The following INSC variants were observed in gnomAD, a reference collection of about 807,000 sequenced individuals.
The protein encoded by INSC is protein inscuteable homolog.
In INSC, 67 loss-of-function variants were observed where a neutral mutation model predicts 58.6. The observed-to-expected ratio is 1.14, with a 90% CI of 0.94 to 1.40. INSC has a LOEUF of 1.40. Ranked by LOEUF, INSC falls within the 40% of genes most tolerant of loss-of-function variation. INSC has a pLI of 0.00. For missense variants in INSC, 714 were observed against 692.0 expected (o/e 1.03, Z -0.36); for synonymous variants, 262 against 276.1 (o/e 0.95, Z 0.51).
At chr11:15,265,034 A>C in the INSC span, among the ~76,000 whole-genome samples, 1 of 152,154 alleles carries the variant, frequency 6.6e-6, no homozygotes, top group Non-Finnish European at 1.5e-5. Flanking sequence ...AGCAGAAAAA[A>C]TGTGACCCAA....
At chr11:15,264,675 G>A in the INSC span, among the ~76,000 whole-genome samples, 7 of 148,490 alleles carry the variant, frequency 4.7e-5, no homozygotes, top group South Asian at 2.2e-4. Context: ...GAAGGCACAG[G>A]AAGTTCTCTG....
chr11:15,148,743 G>T (rs1848556961), intron 1 of INSC, among the ~76,000 whole-genome samples: 1 of 152,172 alleles, frequency 6.6e-6, no homozygotes, highest in Non-Finnish European at 1.5e-5. Context: ...GCCAGTTTTA[G>T]CAAGTAATAC....
At chr11:15,182,708 C>T (rs1849823487) in intron 5 of INSC, among the ~76,000 whole-genome samples, 1 of 152,218 alleles carries the variant, frequency 6.6e-6, no homozygotes, top group South Asian at 2.1e-4. Context: ...ATTTCAAATG[C>T]ACTGCATTCC....
chr11:15,159,028 C>T (rs117098565), intron 2 of INSC, among the ~76,000 whole-genome samples: 30 of 152,274 alleles, frequency 2.0e-4, no homozygotes, highest in Non-Finnish European at 4.0e-4. Context: ...CCCCAGTGTG[C>T]ACTGGCTGTA....
At chr11:15,239,968 C>A (rs142302557) in intron 11 of INSC, among the ~76,000 whole-genome samples, 1 of 152,294 alleles carries the variant, frequency 6.6e-6, no homozygotes, top group African/African-American at 2.4e-5. Context: ...AGAAGATGGA[C>A]ACACAGACTG....
the INSC span, among the ~76,000 whole-genome samples, chr11:15,256,763 C>T: frequency 6.6e-6 from 1 of 152,262 alleles, no homozygotes; most frequent in East Asian, 1.9e-4. Context: ...GCTGGGATTA[C>T]ACGGGTGAGG....
At chr11:15,266,997 A>G in the INSC span, among the ~76,000 whole-genome samples, 1 of 151,942 alleles carries the variant, frequency 6.6e-6, no homozygotes, top group Non-Finnish European at 1.5e-5. Context: ...TCGGATTTCT[A>G]TTTAGTATCA....
At chr11:15,185,444 A>G (rs963528057) in intron 5 of INSC, among the ~76,000 whole-genome samples, 2 of 152,098 alleles carry the variant, frequency 1.3e-5, no homozygotes, top group Non-Finnish European at 2.9e-5. Context: ...TTTATAACTT[A>G]CAATTATTTA....
intron 1 of INSC, among the ~76,000 whole-genome samples, chr11:15,128,232 G>A (rs745487088): frequency 3.3e-5 from 5 of 152,000 alleles, no homozygotes; most frequent in African/African-American, 4.8e-5. Context: ...TTTCTATCCC[G>A]CCAAATGGCT....
intron 5 of INSC, among the ~76,000 whole-genome samples, chr11:15,183,374 G>C (rs1428884062): frequency 6.9e-6 from 1 of 143,984 alleles, no homozygotes. Context: ...AAAAAAACCA[G>C]AAAAAAATAA....
rs201278416 is a variant in INSC at position 15,225,738 on chromosome 11, C to A, written c.1080C>A (p.Cys360Ter). The change falls in exon 9 of 13, where the codon TGC (cysteine) becomes TGA (stop). Residue 360 changes from cysteine (C) to a stop codon, truncating the protein, a stop_gained. Transcript: ENST00000379556. LOFTEE classifies it high-confidence loss of function. ...ANITFFDTMA[C>*]EMLLQLNAIR... is the part of the protein sequence containing the mutation. ...TCACGTTCTTTGACACAATGGCCTG[C>A]GAGATGCTCCTGCAGTTGAATGCCA... is the stretch of plus-strand genomic sequence containing the variant. 40 of 1,613,920 alleles carry A rather than the reference C, an allele frequency of 2.5e-5. No individual in the cohort carries two copies. Among genetic ancestry groups the A allele is most frequent in the Admixed American group, 3.3e-5 (2 of 59,996 alleles).
intron 6 of INSC, among the ~76,000 whole-genome samples, chr11:15,191,889 C>G (rs183047016): frequency 2.6e-4 from 40 of 152,196 alleles, no homozygotes; most frequent in African/African-American, 9.4e-4. Context: ...GTTTTTTCAC[C>G]AAAGATATTG....
At chr11:15,170,363 C>T (rs1451303197) in intron 2 of INSC, among the ~76,000 whole-genome samples, 1 of 151,994 alleles carries the variant, frequency 6.6e-6, no homozygotes, top group Non-Finnish European at 1.5e-5. Flanking sequence ...CACCTCTGTT[C>T]TATGACAGTT....
intron 2 of INSC, among the ~76,000 whole-genome samples, chr11:15,153,530 A>G (rs1848716620): frequency 6.6e-6 from 1 of 152,172 alleles, no homozygotes; most frequent in East Asian, 1.9e-4. Context: ...GTAATTGTGA[A>G]TGGGATAATT....
chr11:15,224,553 T>G (rs1851559860), intron 8 of INSC, among the ~76,000 whole-genome samples: 1 of 152,188 alleles, frequency 6.6e-6, no homozygotes, highest in Non-Finnish European at 1.5e-5. Context: ...AGTATGGCCT[T>G]GCCTCCTGTG....
intron 7 of INSC, among the ~76,000 whole-genome samples, chr11:15,210,132 T>C (rs768890027): frequency 3.2e-4 from 49 of 152,192 alleles, no homozygotes; most frequent in East Asian, 9.6e-4. Context: ...AGGCTGGCTA[T>C]GTTTCCTGGG....
the INSC span, among the ~76,000 whole-genome samples, chr11:15,261,606 G>A: frequency 6.6e-6 from 1 of 152,160 alleles, no homozygotes; most frequent in African/African-American, 2.4e-5. Context: ...CTACTAAGTG[G>A]AAGATCTGAA....
At chr11:15,164,117 T>C (rs1442245913) in intron 2 of INSC, among the ~76,000 whole-genome samples, 2 of 147,272 alleles carry the variant, frequency 1.4e-5, no homozygotes, top group Non-Finnish European at 3.0e-5. Flanking sequence ...TATTTTGTTA[T>C]AGTCTTATCT....
intron 6 of INSC, among the ~76,000 whole-genome samples, chr11:15,197,650 C>T (rs1850420992): frequency 1.3e-5 from 2 of 152,216 alleles, no homozygotes; most frequent in South Asian, 2.1e-4. Flanking sequence ...CTTGTCCTCT[C>T]AGCTTCTTGG....
Sources: allele counts gnomAD v4.1 joint callset (sites outside exome capture counted in the v4.1 genomes callset), GRCh38; gene constraint gnomAD v4.1.1; transcripts MANE v1.5; gene names NCBI Gene and HGNC (gene_info 2026-07-23, HGNC 2026-07-21).